Variants in ELP4 observed in about 807,000 individuals in gnomAD.
ELP4 encodes elongator acetyltransferase complex subunit 4, also known as elongator complex protein 4.
ELP4 carries 51 observed loss-of-function variants against 48.9 expected under a neutral mutation model. The ratio of observed to expected loss-of-function variants is 1.04; its 90% CI spans 0.83 to 1.32. ELP4 has a LOEUF of 1.32. Ranked by LOEUF, ELP4 falls within the 40% of genes most tolerant of loss-of-function variation. ELP4 has a pLI of 0.00. For missense variants in ELP4, 519 were observed against 514.6 expected (o/e 1.01, Z -0.08); for synonymous variants, 210 against 189.2 (o/e 1.11, Z -0.90).
At chr11:31,709,534 C>T (rs1052147235) in intron 9 of ELP4, among the ~76,000 whole-genome samples, 1 of 152,104 alleles carries the variant, frequency 6.6e-6, no homozygotes, top group Non-Finnish European at 1.5e-5. Context: ...AAGAGTTTAT[C>T]GTGGTAATTA....
At chr11:31,662,567 A>G in intron 9 of ELP4, 2 of 397,948 alleles carry the variant, frequency 5.0e-6, no homozygotes, top group Non-Finnish European at 8.9e-6. Context: ...GAAGGCAAAG[A>G]TATTTTCTGT....
chr11:31,730,566 T>C (rs954224286), intron 9 of ELP4, among the ~76,000 whole-genome samples: 2 of 152,278 alleles, frequency 1.3e-5, no homozygotes, highest in Non-Finnish European at 1.5e-5. Context: ...ACATTCTGAC[T>C]TCTGAGGGGA....
At chr11:31,776,298 A>G (rs1384279660) in intron 9 of ELP4, among the ~76,000 whole-genome samples, 2 of 152,154 alleles carry the variant, frequency 1.3e-5, no homozygotes, top group African/African-American at 4.8e-5. Flanking sequence ...AAGATCTAAT[A>G]GCAATTTTAA....
chr11:31,741,311 C>T (rs1337686427), intron 9 of ELP4, among the ~76,000 whole-genome samples: 1 of 152,204 alleles, frequency 6.6e-6, no homozygotes, highest in Non-Finnish European at 1.5e-5. Context: ...TAGGCTCCAC[C>T]TCTGGGGGCA....
Position 31,786,838 on chromosome 11 carries a change from A to T in ELP4, c.*3314A>T, listed in dbSNP as rs1948670764. The T allele has an allele frequency of 1.4e-5, 3 of 217,226 alleles. No homozygotes were observed. The highest frequency in any genetic ancestry group is 2.8e-5 in the Non-Finnish European group (3 of 107,964). 13.5% of individuals were successfully genotyped at this position (217,226 alleles called of 1,614,324 possible). On this transcript the variant is annotated 3_prime_UTR_variant, in exon 10 of 10. Transcript: ENST00000640961. ...AGAGCAGTTTGAACGTTTATTACTT[A>T]AAACATTCAGCTCTTATTCTATTCA...
At chr11:31,721,289 C>T (rs547591588) in intron 9 of ELP4, among the ~76,000 whole-genome samples, 1 of 152,062 alleles carries the variant, frequency 6.6e-6, no homozygotes, top group Non-Finnish European at 1.5e-5. Flanking sequence ...TAGTCTGATG[C>T]CAAGATGCCT....
chr11:31,623,858 C>G (rs1160869107), intron 5 of ELP4, among the ~76,000 whole-genome samples: 1 of 118,684 alleles, frequency 8.4e-6, no homozygotes, highest in Admixed American at 8.6e-5. Context: ...TCAAACAACA[C>G]AATAGCATGA....
chr11:31,619,560 CA>C (rs1428234187), intron 5 of ELP4, among the ~76,000 whole-genome samples: 1 of 151,934 alleles, frequency 6.6e-6, no homozygotes, highest in Admixed American at 6.6e-5. Context: ...AAGAGGAATA[CA>C]GGTTCCCATG....
At chr11:31,724,089 A>T (rs1433977441) in intron 9 of ELP4, among the ~76,000 whole-genome samples, 3 of 152,220 alleles carry the variant, frequency 2.0e-5, no homozygotes, top group Non-Finnish European at 4.4e-5. Context: ...CACATTGCCC[A>T]GCCCGAGGTT....
At chr11:31,583,366 T>G (rs1276063426) in intron 3 of ELP4, among the ~76,000 whole-genome samples, 1 of 152,234 alleles carries the variant, frequency 6.6e-6, no homozygotes, top group Non-Finnish European at 1.5e-5. Flanking sequence ...AAACCACGTT[T>G]GTTGTAGCAT....
chr11:31,541,374 G>A (rs1956588373), intron 3 of ELP4: 2 of 151,802 alleles, frequency 1.3e-5, no homozygotes, highest in Admixed American at 6.6e-5. Context: ...AATATTTCTT[G>A]GTGTTTTCTT....
intron 9 of ELP4, among the ~76,000 whole-genome samples, chr11:31,700,228 AAAAAAAAG>A (rs1455494463): frequency 6.6e-6 from 1 of 151,560 alleles, no homozygotes; most frequent in Non-Finnish European, 1.5e-5. Context: ...TATTTTTTTA[AAAAAAAAG>A]AAAAATGGAG....
chr11:31,527,909 C>G (rs1201382000), intron 2 of ELP4, among the ~76,000 whole-genome samples: 1 of 152,084 alleles, frequency 6.6e-6, no homozygotes, highest in African/African-American at 2.4e-5. Context: ...TTCTCATCCT[C>G]TCACTATTCT....
intron 3 of ELP4, among the ~76,000 whole-genome samples, chr11:31,545,936 A>G (rs572666939): frequency 4.6e-5 from 7 of 152,278 alleles, no homozygotes; most frequent in African/African-American, 1.7e-4. Context: ...GCAAATGCTG[A>G]GGGATTTTGT....
At chr11:31,549,016 C>G (rs1268403693) in intron 3 of ELP4, among the ~76,000 whole-genome samples, 1 of 152,028 alleles carries the variant, frequency 6.6e-6, no homozygotes, top group Non-Finnish European at 1.5e-5. Context: ...AACGTTAGAC[C>G]TAAAACCATA....
At position 31,533,799 on chromosome 11, in the gene ELP4, A is replaced by G. The variant is rs1479514329; in HGVS notation, c.260-5863A>G. Among the ~76,000 whole-genome samples the G allele has an allele frequency of 3.9e-5, 6 of 152,078 alleles. No individual in the cohort carries two copies. The East Asian group carries it at 1.2e-3, about 29-fold the overall frequency. The stretch of plus-strand genomic sequence containing the variant: ...ATGCAAAGAAATAAGAGACAGTTAC[A>G]GTCATTTAGGTAAGAGTTTTTTTTG... On this transcript the variant is annotated intron_variant, in intron 2 of 9. Coordinates refer to ENST00000640961, the MANE Select transcript of ELP4 (RefSeq NM_019040.5).
At chr11:31,562,748 A>C (rs924649853) in intron 3 of ELP4, among the ~76,000 whole-genome samples, 2 of 152,158 alleles carry the variant, frequency 1.3e-5, no homozygotes, top group Non-Finnish European at 2.9e-5. Context: ...AAATAAGTTA[A>C]TTCACTAATA....
At chr11:31,722,036 G>A (rs779211715) in intron 9 of ELP4, among the ~76,000 whole-genome samples, 1 of 152,092 alleles carries the variant, frequency 6.6e-6, no homozygotes, top group Non-Finnish European at 1.5e-5. Flanking sequence ...AATATTTGTT[G>A]TGGAAAATAC....
chr11:31,721,525 ACTC>A (rs1438592748), intron 9 of ELP4, among the ~76,000 whole-genome samples: 3 of 151,744 alleles, frequency 2.0e-5, no homozygotes, highest in African/African-American at 7.3e-5. Context: ...TGTGTATTCA[ACTC>A]CTGATTTTTC....
Sources: gnomAD v4.1 joint callset for allele counts (sites outside exome capture counted in the v4.1 genomes callset) on GRCh38, gnomAD v4.1.1 for gene constraint, MANE v1.5 for transcripts, NCBI Gene and HGNC (gene_info 2026-07-23, HGNC 2026-07-21) for gene names.